Variants in SAMD5 observed in about 807,000 individuals in gnomAD.
SAMD5 encodes sterile alpha motif domain containing 5, also known as sterile alpha motif domain-containing protein 5.
In SAMD5, 13 loss-of-function variants were observed where a neutral mutation model predicts 11.3. The ratio of observed to expected loss-of-function variants is 1.15; its 90% CI spans 0.75 to 1.83. SAMD5 has a LOEUF of 1.83. SAMD5 is among the 40% of genes most tolerant of loss of function. The probability of loss-of-function intolerance (pLI) is 0.00; values close to 1 mark genes in which losing one functional copy is unlikely to be tolerated. For synonymous variants in SAMD5, 129 were observed against 111.3 expected (o/e 1.16, Z -1.00); for missense variants, 255 against 239.1 (o/e 1.07, Z -0.44).
chr6:147,606,915 G>C (rs770892640), intron 1 of SAMD5, among the ~76,000 whole-genome samples: 8 of 146,604 alleles, frequency 5.5e-5, no homozygotes, highest in Non-Finnish European at 8.9e-5. Context: ...AGGAGGAACA[G>C]AGAGAACTGT....
intron 1 of SAMD5, among the ~76,000 whole-genome samples, chr6:147,621,813 C>A (rs2128450319): frequency 6.6e-6 from 1 of 152,268 alleles, no homozygotes; most frequent in East Asian, 1.9e-4. Context: ...GAATCATGGA[C>A]AAACCAGCTA....
chr6:147,684,078 A>G (rs1225365048), intron 1 of SAMD5, among the ~76,000 whole-genome samples: 1 of 152,088 alleles, frequency 6.6e-6, no homozygotes, highest in East Asian at 1.9e-4. Context: ...AAAATAAAAC[A>G]AACCAGCATC....
chr6:147,912,344 A>G, the SAMD5 span, among the ~76,000 whole-genome samples: 10 of 152,276 alleles, frequency 6.6e-5, no homozygotes, highest in East Asian at 1.7e-3. Context: ...AAATTGGAAG[A>G]TATGTTAAAT....
the SAMD5 span, among the ~76,000 whole-genome samples, chr6:147,934,250 A>G: frequency 6.6e-6 from 1 of 151,696 alleles, no homozygotes; most frequent in African/African-American, 2.4e-5. Flanking sequence ...GAAGTGTTTA[A>G]CTGTTTATAT....
chr6:147,594,861 C>A (rs1435736146), intron 1 of SAMD5, among the ~76,000 whole-genome samples: 7 of 152,166 alleles, frequency 4.6e-5, no homozygotes, highest in African/African-American at 1.7e-4. Flanking sequence ...ACTGAAGTAA[C>A]TTCAGTATCA....
At chr6:147,552,742 A>G (rs917459485) in intron 1 of SAMD5, among the ~76,000 whole-genome samples, 1 of 152,176 alleles carries the variant, frequency 6.6e-6, no homozygotes, top group Non-Finnish European at 1.5e-5. Flanking sequence ...GCGGAGGCGC[A>G]GTCTGTGTTT....
At chr6:147,535,998 T>C (rs1788502503) in intron 1 of SAMD5, among the ~76,000 whole-genome samples, 1 of 152,088 alleles carries the variant, frequency 6.6e-6, no homozygotes. Flanking sequence ...TTTTTTTTTT[T>C]TTTGAGACGG....
intron 1 of SAMD5, among the ~76,000 whole-genome samples, chr6:147,724,710 G>T (rs1791601706): frequency 6.6e-6 from 1 of 151,986 alleles, no homozygotes; most frequent in Non-Finnish European, 1.5e-5. Context: ...TGATGGAGAT[G>T]GGGGAAGGGA....
At chr6:147,786,003 T>C in the SAMD5 span, among the ~76,000 whole-genome samples, 1 of 152,058 alleles carries the variant, frequency 6.6e-6, no homozygotes, top group Non-Finnish European at 1.5e-5. Context: ...ATATCCTAGC[T>C]GCTGCTCAAC....
intron 1 of SAMD5, among the ~76,000 whole-genome samples, chr6:147,665,432 A>G (rs1790704010): frequency 6.6e-6 from 1 of 152,190 alleles, no homozygotes; most frequent in South Asian, 2.1e-4. Context: ...ATAAAAATTG[A>G]GATTGTGAAT....
At chr6:147,654,343 T>C (rs1790534846) in intron 1 of SAMD5, among the ~76,000 whole-genome samples, 1 of 152,152 alleles carries the variant, frequency 6.6e-6, no homozygotes, top group Admixed American at 6.5e-5. Flanking sequence ...CATACCTTTC[T>C]ATAAAAGTAT....
intron 1 of SAMD5, among the ~76,000 whole-genome samples, chr6:147,722,357 T>C (rs919005003): frequency 6.6e-6 from 1 of 151,220 alleles, no homozygotes; most frequent in Non-Finnish European, 1.5e-5. Flanking sequence ...CACCAAACAA[T>C]TGAGAGAACT....
chr6:147,592,525 T>G (rs1789471482), intron 1 of SAMD5, among the ~76,000 whole-genome samples: 1 of 151,490 alleles, frequency 6.6e-6, no homozygotes, highest in African/African-American at 2.4e-5. Context: ...ATTTAAAGAG[T>G]GAACATAATT....
At chr6:147,846,631 C>T in the SAMD5 span, among the ~76,000 whole-genome samples, 2 of 152,122 alleles carry the variant, frequency 1.3e-5, no homozygotes, top group Non-Finnish European at 2.9e-5. Flanking sequence ...ACCAGCCTGG[C>T]CAACGTGGGG....
At chr6:147,835,081 A>C in the SAMD5 span, among the ~76,000 whole-genome samples, 2 of 151,898 alleles carry the variant, frequency 1.3e-5, no homozygotes, top group Admixed American at 6.6e-5. Flanking sequence ...AAAATACAAA[A>C]AATTAGCCGG....
chr6:147,654,091 A>C (rs1790531717), intron 1 of SAMD5, among the ~76,000 whole-genome samples: 1 of 152,192 alleles, frequency 6.6e-6, no homozygotes, highest in Non-Finnish European at 1.5e-5. Context: ...TAGCATTTAC[A>C]ATTCCTTTTA....
At chr6:147,912,854 T>G in the SAMD5 span, among the ~76,000 whole-genome samples, 1 of 146,810 alleles carries the variant, frequency 6.8e-6, no homozygotes, top group Non-Finnish European at 1.5e-5. Flanking sequence ...ATATAAGAAA[T>G]AAGGGAAATT....
At chr6:147,685,478 C>T (rs2128456598) in intron 1 of SAMD5, among the ~76,000 whole-genome samples, 1 of 152,276 alleles carries the variant, frequency 6.6e-6, no homozygotes, top group Non-Finnish European at 1.5e-5. Context: ...CAGCCAGTTC[C>T]TTTAATTTGA....
At chr6:147,872,554 C>T in the SAMD5 span, among the ~76,000 whole-genome samples, 1 of 152,142 alleles carries the variant, frequency 6.6e-6, no homozygotes, top group Non-Finnish European at 1.5e-5. Context: ...GGGTTCCTTG[C>T]CAAAGGTCAC....
Sources: allele counts gnomAD v4.1 joint callset (sites outside exome capture counted in the v4.1 genomes callset), GRCh38; gene constraint gnomAD v4.1.1; transcripts MANE v1.5; gene names NCBI Gene and HGNC (gene_info 2026-07-23, HGNC 2026-07-21).